Variants in RIF1 observed in about 807,000 individuals in gnomAD.
The protein encoded by RIF1 is replication timing regulatory factor 1, also known as telomere-associated protein RIF1.
RIF1 carries 45 observed loss-of-function variants against 247.1 expected under a neutral mutation model. That is an observed-to-expected ratio of 0.18 (90% CI 0.14 to 0.23). The LOEUF (loss-of-function observed/expected upper bound fraction) is 0.23, where lower values mean the gene tolerates loss of function less well. Among genes scored for constraint, RIF1 ranks in the 10% least tolerant of loss-of-function variants. RIF1 has a pLI of 1.00. For missense variants in RIF1, 2,967 were observed against 2,862.5 expected (o/e 1.04, Z -0.83); for synonymous variants, 1,087 against 978.8 (o/e 1.11, Z -2.06).
chr2:151,488,323 T>C (rs911524512), intron 9 of RIF1, among the ~76,000 whole-genome samples: 6 of 152,084 alleles, frequency 3.9e-5, no homozygotes, highest in African/African-American at 1.4e-4. Flanking sequence ...ATTTTGGAAT[T>C]TGCCTGGGAA....
chr2:151,511,846 G>A (rs139548236), downstream of RIF1, among the ~76,000 whole-genome samples: 54 of 152,264 alleles, frequency 3.5e-4, no homozygotes, highest in African/African-American at 1.1e-3. Context: ...TAATCCAAAT[G>A]TGGGCTACTT....
intron 19 of RIF1, 43 bp from the exon 20 acceptor site, chr2:151,446,383 A>T: frequency 6.6e-7 from 1 of 1,524,778 alleles, no homozygotes; most frequent in South Asian, 1.2e-5. Context: ...TTTGATAGAT[A>T]GGTATATATT....
the RIF1 span, chr2:151,526,858 T>C: frequency 1.7e-6 from 2 of 1,184,956 alleles, no homozygotes; most frequent in East Asian, 5.1e-5. Context: ...CCCTGGGGAC[T>C]GTACCATGGA....
chr2:151,464,949 CATTA>C lies in RIF1; in HGVS notation c.5433_5436del (p.Ile1812PhefsTer19), dbSNP rs771719214. ...GAGGATAATGATACTATTAATGATTCATTAATTGTTTCTGAAACCAAATCAAAAG... is the reference window on the plus strand; with the variant it reads ...GAGGATAATGATACTATTAATGATTCATTGTTTCTGAAACCAAATCAAAAG... On this transcript the variant is annotated frameshift_variant, in exon 30 of 36. Coordinates refer to ENST00000444746, the MANE Select transcript of RIF1 (RefSeq NM_018151.5). LOFTEE classifies it high-confidence loss of function. 1 of 1,571,610 alleles carries C rather than the reference CATTA, an allele frequency of 6.4e-7. No individual in the cohort carries two copies. The highest frequency in any genetic ancestry group is 8.6e-7 in the Non-Finnish European group (1 of 1,166,690).
chr2:151,412,603 T>G (rs1686448160), intron 3 of RIF1, among the ~76,000 whole-genome samples: 1 of 152,158 alleles, frequency 6.6e-6, no homozygotes, highest in Non-Finnish European at 1.5e-5. Context: ...TTCTCCCGCC[T>G]CAGCCTCCTG....
intron 9 of RIF1, among the ~76,000 whole-genome samples, chr2:151,432,408 A>G (rs1037941190): frequency 6.6e-6 from 1 of 152,124 alleles, no homozygotes; most frequent in African/African-American, 2.4e-5. Flanking sequence ...TTTTCTGAAG[A>G]TTGGATTTAA....
At chr2:151,532,665 G>C in the RIF1 span, among the ~76,000 whole-genome samples, 4 of 151,642 alleles carry the variant, frequency 2.6e-5, no homozygotes, top group Non-Finnish European at 5.9e-5. Flanking sequence ...CTTAATTGGA[G>C]CTTAACCTCC....
At chr2:151,487,292 TAAG>T (rs1264928691) in intron 9 of RIF1, among the ~76,000 whole-genome samples, 1 of 152,210 alleles carries the variant, frequency 6.6e-6, no homozygotes, top group Non-Finnish European at 1.5e-5. Flanking sequence ...AGGTATATAA[TAAG>T]TGATAATATC....
the RIF1 span, chr2:151,531,111 C>CA: frequency 2.6e-6 from 4 of 1,556,978 alleles, no homozygotes; most frequent in Non-Finnish European, 3.5e-6. Context: ...TCTGAAAGAT[C>CA]AAAAAGCAGA....
At chr2:151,462,838 G>C in intron 29 of RIF1, 46 bp from the exon 30 acceptor site, 1 of 1,382,284 alleles carries the variant, frequency 7.2e-7, no homozygotes, top group Admixed American at 2.4e-5. Flanking sequence ...CTCGTTTGCT[G>C]GTTATTAATC....
chr2:151,478,639 C>A lies in RIF1; in HGVS notation c.*3568C>A, dbSNP rs940542735. On this transcript the variant is annotated 3_prime_UTR_variant, in exon 36 of 36. Transcript: ENST00000444746. ...CAAAATTGGGGGAAATGGTGGGGAT[C>A]GTGAATATATAAGTGAAGTTTTATT... 3 of 151,370 alleles carry A rather than the reference C, an allele frequency of 2.0e-5. No individual in the cohort carries two copies. Among genetic ancestry groups the A allele is most frequent in the Non-Finnish European group, 4.4e-5 (3 of 67,920 alleles). 9.4% of individuals were successfully genotyped at this position (151,370 alleles called of 1,614,324 possible).
chr2:151,416,969 T>G lies in RIF1; in HGVS notation c.503+68T>G, dbSNP rs181269108. 4.8e-4 allele frequency: 607 copies of G among 1,255,566 alleles called. 4 individuals are homozygous for G. In the East Asian group the frequency reaches 9.1e-3, roughly 19 times the overall value. 77.8% of individuals were successfully genotyped at this position (1,255,566 alleles called of 1,614,324 possible). On this transcript the variant is annotated intron_variant, in intron 6 of 35. Coordinates refer to ENST00000444746, the MANE Select transcript of RIF1 (RefSeq NM_018151.5). ...AAATTTAGCTGAAGGAGAGGGTTTT[T>G]GGGATTTAAATGAGAGACAGACATT...
At chr2:151,458,225 GA>G (rs1251783748) in intron 24 of RIF1, among the ~76,000 whole-genome samples, 1,258 of 115,190 alleles carry the variant, frequency 0.011, 47 homozygotes, top group African/African-American at 0.035. Context: ...GGAAATAGAT[GA>G]TTTTTTTTTT....
In RIF1 at chr2:151,475,209, T is replaced by A. The variant is rs2048869310; in HGVS notation, c.*138T>A. 3.1e-6 allele frequency: 2 copies of A among 642,246 alleles called. No individual in the cohort carries two copies. Among genetic ancestry groups the A allele is most frequent in the Non-Finnish European group, 5.4e-6 (2 of 371,230 alleles). The allele number at this position is 642,246 out of a possible 1,614,324, so 39.8% of individuals were successfully genotyped here. ...TAACATTTCAAACCCTGAAGGACAGTGACTTATTATGTAAGTTCAATTTTG... is the reference window on the plus strand; with the variant it reads ...TAACATTTCAAACCCTGAAGGACAGAGACTTATTATGTAAGTTCAATTTTG... On this transcript the variant is annotated 3_prime_UTR_variant, in exon 36 of 36. Coordinates refer to ENST00000444746, the MANE Select transcript of RIF1 (RefSeq NM_018151.5).
In RIF1 at chr2:151,480,997, C is replaced by T. The variant is rs2049146222; in HGVS notation, c.*5926C>T. The T allele has an allele frequency of 6.6e-6, 1 of 152,026 alleles. No individual in the cohort carries two copies. Among genetic ancestry groups the T allele is most frequent in the Non-Finnish European group, 1.5e-5 (1 of 67,996 alleles). 9.4% of individuals were successfully genotyped at this position (152,026 alleles called of 1,614,324 possible). On this transcript the variant is annotated 3_prime_UTR_variant, in exon 36 of 36. Coordinates refer to ENST00000444746, the MANE Select transcript of RIF1 (RefSeq NM_018151.5). Reference sequence around the variant, plus strand: ...AAGGACATTTTGTGACACATGAAAACATATTAAATTAAAATTTCAGTATCC... The same window carrying T: ...AAGGACATTTTGTGACACATGAAAATATATTAAATTAAAATTTCAGTATCC...
At chr2:151,415,563 C>CAAAAAAAAAA (rs3040729) in intron 4 of RIF1, among the ~76,000 whole-genome samples, 2 of 44,870 alleles carry the variant, frequency 4.5e-5, no homozygotes, top group African/African-American at 1.0e-4. Context: ...GACTCTGTCT[C>CAAAAAAAAAA]AAAAAAAAAA....
chr2:151,520,337 C>T, the RIF1 span, among the ~76,000 whole-genome samples: 1 of 151,982 alleles, frequency 6.6e-6, no homozygotes, highest in South Asian at 2.1e-4. Context: ...GGGTTAATGG[C>T]TTCAAGTGTG....
the RIF1 span, chr2:151,531,226 C>T: frequency 1.5e-6 from 1 of 654,280 alleles, no homozygotes; most frequent in Non-Finnish European, 2.7e-6. Flanking sequence ...TTGACAGGTG[C>T]TTTCATGCTC....
chr2:151,462,106 C>G (rs916694347), intron 27 of RIF1, 136 bp from the exon 28 acceptor site: 1 of 473,350 alleles, frequency 2.1e-6, no homozygotes, highest in Non-Finnish European at 3.7e-6. Context: ...CTCCTGAGCT[C>G]AAGCAGCCCA....
Sources: gnomAD v4.1 joint callset for allele counts (sites outside exome capture counted in the v4.1 genomes callset) on GRCh38, gnomAD v4.1.1 for gene constraint, MANE v1.5 for transcripts, NCBI Gene and HGNC (gene_info 2026-07-23, HGNC 2026-07-21) for gene names.